The following RESF1 variants were observed in gnomAD, a reference collection of about 807,000 sequenced individuals.
RESF1 encodes the protein retroelement silencing factor 1.
RESF1 carries 65 observed loss-of-function variants against 134.7 expected under a neutral mutation model. That is an observed-to-expected ratio of 0.48 (90% confidence interval 0.40 to 0.59). The LOEUF (loss-of-function observed/expected upper bound fraction) is 0.59. RESF1 is among the 20% of genes least tolerant of loss of function. The probability of loss-of-function intolerance (pLI) is 0.00; values close to 1 mark genes in which losing one functional copy is unlikely to be tolerated. For missense variants in RESF1, 2,274 were observed against 2,002.7 expected (o/e 1.14, Z -2.59); for synonymous variants, 762 against 702.2 (o/e 1.09, Z -1.35).
chr12:31,976,749 G>A (rs140111937), intron 3 of RESF1, among the ~76,000 whole-genome samples: 44 of 152,218 alleles, frequency 2.9e-4, no homozygotes, highest in African/African-American at 1.0e-3. Flanking sequence ...TCATCATAAA[G>A]GTGTTTATCC....
At chr12:31,975,372 T>C (rs1261373654) in intron 3 of RESF1, among the ~76,000 whole-genome samples, 2 of 152,222 alleles carry the variant, frequency 1.3e-5, no homozygotes, top group African/African-American at 2.4e-5. Context: ...ATTAGCAACT[T>C]GGATTAGTCA....
Position 31,982,602 on chromosome 12 carries a change from C to T in RESF1, c.1647C>T (p.Thr549=). ...CTCAGCTTTCATCAGAAAATGTTACCAAAGTTGAGCAAAATTCACCAGCAG... is the reference window on the plus strand; with the variant it reads ...CTCAGCTTTCATCAGAAAATGTTACTAAAGTTGAGCAAAATTCACCAGCAG... ...LNTQLSSENV[T]KVEQNSPAVC... The change falls in exon 4 of 6, where the codon ACC becomes ACT. Residue 549 remains threonine, a synonymous_variant. Coordinates refer to ENST00000312561, the MANE Select transcript of RESF1 (RefSeq NM_018169.4). The T allele has an allele frequency of 6.2e-7, 1 of 1,613,910 alleles. No homozygotes were observed. Among genetic ancestry groups the T allele is most frequent in the Non-Finnish European group, 8.5e-7 (1 of 1,180,006 alleles).
chr12:31,991,697 C>A (rs972652686), intron 5 of RESF1, among the ~76,000 whole-genome samples: 1 of 152,196 alleles, frequency 6.6e-6, no homozygotes, highest in Non-Finnish European at 1.5e-5. Flanking sequence ...TATCGGCTCA[C>A]TGCAACCTCT....
At chr12:31,959,820 C>T (rs1054767517) in intron 1 of RESF1, 8 of 152,330 alleles carry the variant, frequency 5.3e-5, no homozygotes, top group African/African-American at 1.9e-4. Flanking sequence ...CCCTCATTGC[C>T]TGGCTCTGCG....
At chr12:31,974,427 C>T (rs940825425) in intron 3 of RESF1, among the ~76,000 whole-genome samples, 6 of 151,964 alleles carry the variant, frequency 3.9e-5, no homozygotes, top group African/African-American at 9.7e-5. Context: ...CCAGTTCCGG[C>T]GGCTAGAAGT....
intron 2 of RESF1, among the ~76,000 whole-genome samples, chr12:31,962,262 GAATCT>G (rs1174790263): frequency 6.8e-6 from 1 of 147,028 alleles, no homozygotes; most frequent in East Asian, 2.0e-4. Flanking sequence ...TGAATTTCAA[GAATCT>G]AATCAGGCCT....
chr12:31,985,970 T>A lies in RESF1; in HGVS notation c.5002+13T>A. On this transcript the variant is annotated intron_variant, in intron 4 of 5. Coordinates refer to ENST00000312561, the MANE Select transcript of RESF1 (RefSeq NM_018169.4). ...GCCCCTCTGCAAGGTCCAGTATGAT[T>A]TTCTTGGTGGTGTCTACAATATTGT... 6.9e-7 allele frequency: 1 copy of A among 1,456,326 alleles called. No individual in the cohort carries two copies. The highest frequency in any genetic ancestry group is 9.0e-7 in the Non-Finnish European group (1 of 1,105,450). The allele number at this position is 1,456,326 out of a possible 1,614,324, so 90.2% of individuals were successfully genotyped here.
intron 5 of RESF1, among the ~76,000 whole-genome samples, chr12:31,987,666 A>G (rs1940005566): frequency 1.3e-5 from 2 of 152,148 alleles, no homozygotes; most frequent in Admixed American, 1.3e-4. Flanking sequence ...ACTCTGTTTC[A>G]GGGAAATGGC....
chr12:31,981,456 G>C lies in RESF1; in HGVS notation c.501G>C (p.Gln167His). Residue 167 changes from glutamine to histidine, a missense_variant, in exon 4 of 6, where the codon CAG (glutamine) becomes CAC (histidine). Gln to His is a conservative substitution (Grantham distance 24). Transcript: ENST00000312561. The stretch of plus-strand genomic sequence containing the variant: ...CAGATACCTATTCTATGCAAATGCA[G>C]ATGATCCCTTCTAATTCTACACGAC... ...ITSDTYSMQM[Q>H]MIPSNSTRLP... 2 of 1,614,114 alleles carry C rather than the reference G, an allele frequency of 1.2e-6. No homozygotes were observed. Among genetic ancestry groups the C allele is most frequent in the Non-Finnish European group, 1.7e-6 (2 of 1,180,032 alleles).
In RESF1 at chr12:31,981,321, A is replaced by C; in HGVS notation, c.366A>C (p.Ser122=). Residue 122 remains serine (S), a synonymous_variant, in exon 4 of 6, where the codon TCA becomes TCC. Transcript: ENST00000312561. ...SGVTQNVWLN[S]PMRNPVHSHI... Reference sequence around the variant, plus strand: ...TTACCCAAAACGTATGGTTGAACTCACCAATGAGGAATCCTGTGCATTCTC... The same window carrying C: ...TTACCCAAAACGTATGGTTGAACTCCCCAATGAGGAATCCTGTGCATTCTC... 6.2e-7 allele frequency: 1 copy of C among 1,614,154 alleles called. No homozygotes were observed. Among genetic ancestry groups the C allele is most frequent in the Non-Finnish European group, 8.5e-7 (1 of 1,180,018 alleles).
intron 5 of RESF1, among the ~76,000 whole-genome samples, chr12:31,989,660 T>C (rs926838629): frequency 1.2e-4 from 18 of 152,148 alleles, no homozygotes; most frequent in Middle Eastern, 3.2e-3. Context: ...GAGACCAGCC[T>C]GGCCAACATT....
chr12:31,985,465 AC>A lies in RESF1; in HGVS notation c.4512del (p.Ser1505LeufsTer5), dbSNP rs769893753. The A allele has an allele frequency of 6.2e-6, 10 of 1,606,870 alleles. No individual in the cohort carries two copies. The highest frequency in any genetic ancestry group is 8.5e-6 in the Non-Finnish European group (10 of 1,178,208). Reference sequence around the variant, plus strand: ...TGAGAAACACAGCAGCGGCGTGCAGACCTCTAAAGAATCATTAAATGGCTTG... The same window carrying A: ...TGAGAAACACAGCAGCGGCGTGCAGACTCTAAAGAATCATTAAATGGCTTG... ...SNEKHSSGVQTSKESLNGLTS... is the reference protein window; with the variant it reads ...SNEKHSSGVQXSKESLNGLTS... On this transcript the variant is annotated frameshift_variant, in exon 4 of 6. Transcript: ENST00000312561. LOFTEE classifies it high-confidence loss of function.
chr12:31,959,489 T>G lies in RESF1; in HGVS notation c.-344T>G, dbSNP rs973497916. ...TGCCGGGGTGGTCCTCTTCCCTTTG[T>G]CGGTAAGTGTGAGACGAGCACCCCG... On this transcript the variant is annotated splice_region_variant and 5_prime_UTR_variant, in exon 1 of 6. Coordinates refer to ENST00000312561, the MANE Select transcript of RESF1 (RefSeq NM_018169.4). 2.0e-5 allele frequency: 3 copies of G among 152,186 alleles called. No individual in the cohort carries two copies. Among genetic ancestry groups the G allele is most frequent in the African/African-American group, 7.2e-5 (3 of 41,440 alleles). 9.4% of individuals were successfully genotyped at this position (152,186 alleles called of 1,614,324 possible).
intron 3 of RESF1, among the ~76,000 whole-genome samples, chr12:31,978,717 T>A (rs1406891305): frequency 9.8e-6 from 1 of 101,878 alleles, no homozygotes; most frequent in African/African-American, 5.0e-5. Context: ...AGCTAATTTT[T>A]TTTTTTTTTT....
At chr12:31,962,113 G>A (rs1939283694) in intron 2 of RESF1, among the ~76,000 whole-genome samples, 1 of 151,612 alleles carries the variant, frequency 6.6e-6, no homozygotes, top group Admixed American at 6.6e-5. Flanking sequence ...GCACATGCCT[G>A]TAATCCTAGC....
chr12:31,971,182 G>T (rs1939498119), intron 3 of RESF1, among the ~76,000 whole-genome samples: 1 of 152,022 alleles, frequency 6.6e-6, no homozygotes, highest in Non-Finnish European at 1.5e-5. Context: ...CACTCTTGTT[G>T]CCCAGGCTGG....
At chr12:31,973,520 C>T (rs1452536991) in intron 3 of RESF1, among the ~76,000 whole-genome samples, 4 of 152,114 alleles carry the variant, frequency 2.6e-5, no homozygotes, top group Non-Finnish European at 5.9e-5. Flanking sequence ...CACCCTAAGT[C>T]GTAATCCCTA....
Position 31,983,264 on chromosome 12 carries a change from A to G in RESF1, c.2309A>G (p.Glu770Gly), listed in dbSNP as rs1336571234. The part of the protein sequence containing the change: ...IAVVSPLVLS[E>G]VKTLSVKGIT... ...GTAGTGTCACCGTTAGTTCTGTCAG[A>G]GGTCAAAACATTGTCTGTCAAAGGA... The change falls in exon 4 of 6, where the codon GAG becomes GGG. Residue 770 changes from glutamate to glycine, a missense_variant. By Grantham distance (98) the Glu-to-Gly change is moderately conservative. Transcript: ENST00000312561. The G allele has an allele frequency of 3.1e-6, 5 of 1,612,624 alleles. No individual in the cohort carries two copies. The highest frequency in any genetic ancestry group is 2.7e-5 in the African/African-American group (2 of 74,884).
chr12:31,963,730 C>G (rs1303381771), intron 2 of RESF1, among the ~76,000 whole-genome samples: 1 of 152,182 alleles, frequency 6.6e-6, no homozygotes, highest in Non-Finnish European at 1.5e-5. Flanking sequence ...CCATTTTCTC[C>G]AACGCACCTT....
Sources: gnomAD v4.1 joint callset for allele counts (sites outside exome capture counted in the v4.1 genomes callset) on GRCh38, gnomAD v4.1.1 for gene constraint, MANE v1.5 for transcripts, NCBI Gene and HGNC (gene_info 2026-07-23, HGNC 2026-07-21) for gene names.